The following NELL1 variants were observed in gnomAD, a reference collection of about 807,000 sequenced individuals.
NELL1 encodes the protein protein kinase C-binding protein NELL1.
Under a neutral mutation model 107.4 loss-of-function variants are expected in NELL1, and 76 were observed. The observed-to-expected ratio is 0.71, with a 90% CI of 0.59 to 0.86. The LOEUF (loss-of-function observed/expected upper bound fraction) is 0.86, where lower values mean the gene tolerates loss of function less well. Ranked by LOEUF, NELL1 falls within the 40% of genes least tolerant of loss-of-function variation. The pLI is 0.00. For missense variants in NELL1, 1,024 were observed against 1,005.5 expected (o/e 1.02, Z -0.25); for synonymous variants, 353 against 341.2 (o/e 1.03, Z -0.38).
intron 15 of NELL1, among the ~76,000 whole-genome samples, chr11:21,430,433 T>C (rs1200741648): frequency 5.9e-5 from 9 of 152,180 alleles, no homozygotes. Flanking sequence ...TTATGTAAAT[T>C]GGAAAGCTGA....
chr11:20,815,269 T>C (rs1198636820), intron 3 of NELL1, among the ~76,000 whole-genome samples: 2 of 152,048 alleles, frequency 1.3e-5, no homozygotes, highest in African/African-American at 4.8e-5. Flanking sequence ...TTTGTAGTTT[T>C]AGTAGAGACA....
chr11:21,514,760 G>T (rs1429588828), intron 15 of NELL1, among the ~76,000 whole-genome samples: 1 of 147,922 alleles, frequency 6.8e-6, no homozygotes, highest in Non-Finnish European at 1.5e-5. Context: ...ATCTGTCACA[G>T]GGGTTTGGAC....
rs1204164255 is a variant in NELL1 at position 21,528,513 on chromosome 11, C to CT, written c.1646-5861_1646-5860insT. ...ATGTGATCTCTTTGCACATACCCAC[C>CT]CCCCCCCCCTTTTTTTTTTTCCACA... is the stretch of plus-strand genomic sequence containing the variant. On this transcript the variant is annotated intron_variant, in intron 15 of 19. Transcript: ENST00000357134. Among the ~76,000 whole-genome samples the CT allele has an allele frequency of 9.4e-5, 3 of 31,898 alleles. No individual in the cohort carries two copies. The Admixed American group carries it at 1.3e-3, about 14-fold the overall frequency. The allele number at this position is 31,898 out of a possible 152,430, so 20.9% of individuals were successfully genotyped here. A position where few individuals can be genotyped will look rare whatever the true frequency, so the allele number is the denominator to read the frequency against.
intron 13 of NELL1, among the ~76,000 whole-genome samples, chr11:21,223,139 T>A (rs1857802480): frequency 6.6e-6 from 1 of 152,116 alleles, no homozygotes; most frequent in Non-Finnish European, 1.5e-5. Context: ...AGTGGGTTGT[T>A]CAAGCCCCCT....
chr11:21,128,972 A>T (rs991295802), intron 13 of NELL1, among the ~76,000 whole-genome samples: 1 of 152,218 alleles, frequency 6.6e-6, no homozygotes, highest in Non-Finnish European at 1.5e-5. Flanking sequence ...TAGCACTCAC[A>T]TGTTGTCATG....
intron 12 of NELL1, among the ~76,000 whole-genome samples, chr11:20,970,740 G>A (rs1162476191): frequency 1.3e-5 from 2 of 151,962 alleles, no homozygotes; most frequent in African/African-American, 4.8e-5. Context: ...GTAAAGATAT[G>A]GTTGATAGTT....
chr11:21,101,415 C>T (rs1217533304), intron 12 of NELL1, among the ~76,000 whole-genome samples: 1 of 152,218 alleles, frequency 6.6e-6, no homozygotes, highest in Admixed American at 6.5e-5. Context: ...AAATGCCACA[C>T]TGACTTCCAC....
intron 11 of NELL1, among the ~76,000 whole-genome samples, chr11:20,952,017 A>C (rs547659135): frequency 1.3e-5 from 2 of 151,394 alleles, no homozygotes; most frequent in Non-Finnish European, 1.5e-5. Flanking sequence ...CAGCAGAAAA[A>C]GACTGCTCGT....
At chr11:20,693,199 T>C (rs1391310769) in intron 2 of NELL1, among the ~76,000 whole-genome samples, 1 of 151,972 alleles carries the variant, frequency 6.6e-6, no homozygotes, top group Non-Finnish European at 1.5e-5. Context: ...TGAGATGGGT[T>C]TCCTGAATAC....
At chr11:20,970,783 A>C (rs926311097) in intron 12 of NELL1, among the ~76,000 whole-genome samples, 1 of 135,228 alleles carries the variant, frequency 7.4e-6, no homozygotes, top group Non-Finnish European at 1.5e-5. Context: ...TGTGCTAAGA[A>C]GTCTAAATTT....
At chr11:21,319,438 C>A (rs997420685) in intron 14 of NELL1, among the ~76,000 whole-genome samples, 11 of 149,990 alleles carry the variant, frequency 7.3e-5, no homozygotes, top group African/African-American at 2.4e-4. Context: ...GATCCACCTG[C>A]CTTGACCTTC....
intron 13 of NELL1, among the ~76,000 whole-genome samples, chr11:21,204,280 C>T (rs1035918659): frequency 6.6e-6 from 1 of 151,980 alleles, no homozygotes; most frequent in Non-Finnish European, 1.5e-5. Context: ...TCACACAGTC[C>T]CGTATTTCTT....
intron 14 of NELL1, among the ~76,000 whole-genome samples, chr11:21,368,628 T>A (rs1343908563): frequency 6.6e-6 from 1 of 151,888 alleles, no homozygotes; most frequent in Non-Finnish European, 1.5e-5. Flanking sequence ...GATACCTCCA[T>A]GAAAAGAATG....
In NELL1 at chr11:21,370,896, T is replaced by TCCCAACAAATGTGTCTGTCC; in HGVS notation, c.1594_1613dup (p.Ser539ProfsTer71). 1 of 1,611,814 alleles carries TCCCAACAAATGTGTCTGTCC rather than the reference T, an allele frequency of 6.2e-7. No homozygotes were observed. The highest frequency in any genetic ancestry group is 8.5e-7 in the Non-Finnish European group (1 of 1,178,834). ...GCAGATACGGTGGAACGTGTGTGGC[T>TCCCAACAAATGTGTCTGTCC]CCCAACAAATGTGTCTGTCCATCTG... On this transcript the variant is annotated frameshift_variant, in exon 15 of 20. Transcript: ENST00000357134. LOFTEE classifies it high-confidence loss of function.
chr11:21,416,836 T>C (rs1852530557), intron 15 of NELL1, among the ~76,000 whole-genome samples: 1 of 152,094 alleles, frequency 6.6e-6, no homozygotes, highest in African/African-American at 2.4e-5. Context: ...GGTCCTTTGT[T>C]TTCCTTCAAT....
chr11:21,140,333 G>C (rs973913289), intron 13 of NELL1, among the ~76,000 whole-genome samples: 2 of 152,048 alleles, frequency 1.3e-5, no homozygotes, highest in Admixed American at 6.5e-5. Flanking sequence ...ACCTACCGAG[G>C]GAAATTAATT....
intron 13 of NELL1, among the ~76,000 whole-genome samples, chr11:21,177,925 C>G (rs1228643736): frequency 6.6e-6 from 1 of 151,708 alleles, no homozygotes; most frequent in Non-Finnish European, 1.5e-5. Flanking sequence ...TTTTGAAACA[C>G]TTCTATGCAG....
intron 2 of NELL1, among the ~76,000 whole-genome samples, chr11:20,746,566 TCACACACA>T (rs10556247): frequency 0.057 from 8,582 of 149,298 alleles, 280 homozygotes; most frequent in Middle Eastern, 0.14. Context: ...GTGACAGATT[TCACACACA>T]CACACACACA....
intron 15 of NELL1, among the ~76,000 whole-genome samples, chr11:21,491,749 C>A (rs1854823157): frequency 6.6e-6 from 1 of 151,988 alleles, no homozygotes; most frequent in Non-Finnish European, 1.5e-5. Flanking sequence ...TCATTGGTAG[C>A]TTGATGGGGA....
Sources: gnomAD v4.1 joint callset for allele counts (sites outside exome capture counted in the v4.1 genomes callset) on GRCh38, gnomAD v4.1.1 for gene constraint, MANE v1.5 for transcripts, NCBI Gene and HGNC (gene_info 2026-07-23, HGNC 2026-07-21) for gene names.